The following TTC28 variants were observed in gnomAD, a reference collection of about 807,000 sequenced individuals.
The protein encoded by TTC28 is tetratricopeptide repeat protein 28.
TTC28 carries 61 observed loss-of-function variants against 198.0 expected under a neutral mutation model. That is an observed-to-expected ratio of 0.31 (90% CI 0.25 to 0.38). The LOEUF is 0.38. Among genes scored for constraint, TTC28 ranks in the 10% least tolerant of loss-of-function variants. The pLI is 1.00. For synonymous variants in TTC28, 1,171 were observed against 1,297.8 expected (o/e 0.90, Z 2.10); for missense variants, 2,678 against 3,164.0 (o/e 0.85, Z 3.69).
At chr22:28,215,111 A>G (rs562306940) in intron 5 of TTC28, among the ~76,000 whole-genome samples, 1 of 152,206 alleles carries the variant, frequency 6.6e-6, no homozygotes, top group South Asian at 2.1e-4. Context: ...GGTGGGGAAC[A>G]TCACACACCG....
At chr22:28,207,564 C>T (rs1406448193) in intron 5 of TTC28, among the ~76,000 whole-genome samples, 2 of 152,142 alleles carry the variant, frequency 1.3e-5, no homozygotes, top group African/African-American at 2.4e-5. Context: ...AGTTTCTTAA[C>T]TATGTAAACC....
At chr22:28,069,373 G>A (rs531383609) in intron 12 of TTC28, among the ~76,000 whole-genome samples, 1 of 152,056 alleles carries the variant, frequency 6.6e-6, no homozygotes, top group Non-Finnish European at 1.5e-5. Flanking sequence ...CAAACATCTC[G>A]TGAGTTCATA....
chr22:28,483,464 T>A (rs1005600845), intron 2 of TTC28, among the ~76,000 whole-genome samples: 4 of 152,132 alleles, frequency 2.6e-5, no homozygotes, highest in African/African-American at 9.7e-5. Flanking sequence ...AATGAAACAT[T>A]ATTTCTTTCA....
rs1937075147 is a variant in TTC28, at chr22:27,983,000, T to C, written c.6667A>G (p.Lys2223Glu). Residue 2223 changes from lysine to glutamate, a missense_variant, in exon 23 of 23, where the codon AAG (lysine) becomes GAG (glutamate). By Grantham distance (56) the Lys-to-Glu change is moderately conservative. Around this residue, in one of 8 missense-constraint regions of TTC28, gnomAD observed 622 missense variants for 656.0 expected, o/e 0.95. Transcript: ENST00000397906. This position sits in a 1 kb window ranked among gnomAD's most constrained non-coding sequence, Gnocchi z 5.2. The part of the protein sequence containing the change: ...AFSRPVLSHQ[K>E]SQPSPVTVKP... ...ACAGTGACTGGTGATGGCTGACTCT[T>C]CTGATGGGAGAGAACAGGCCTGCTG... 6.4e-7 allele frequency: 1 copy of C among 1,551,546 alleles called. No individual in the cohort carries two copies. The highest frequency in any genetic ancestry group is 1.4e-5 in the African/African-American group (1 of 73,030).
chr22:27,990,105 TC>T, intron 20 of TTC28, 98 bp from the exon 21 acceptor site: 1 of 1,420,252 alleles, frequency 7.0e-7, no homozygotes, highest in Non-Finnish European at 9.5e-7. Flanking sequence ...GTCACTGGCA[TC>T]GCTAATGACC....
intron 2 of TTC28, among the ~76,000 whole-genome samples, chr22:28,628,315 T>G (rs9625515): frequency 0.1 from 15,147 of 152,206 alleles, 864 homozygotes; most frequent in African/African-American, 0.12. Context: ...CTCAAATACT[T>G]CAATCACATC....
At chr22:28,032,155 CTACT>C (rs1223242081) in intron 12 of TTC28, among the ~76,000 whole-genome samples, 1 of 120,424 alleles carries the variant, frequency 8.3e-6, no homozygotes, top group Non-Finnish European at 1.7e-5. Context: ...CTATTTATAT[CTACT>C]TAGTGTGTGT....
At chr22:28,594,270 TAAG>T (rs952012704) in intron 2 of TTC28, among the ~76,000 whole-genome samples, 92 of 148,770 alleles carry the variant, frequency 6.2e-4, no homozygotes, top group African/African-American at 1.6e-3. Context: ...TTTATTAATA[TAAG>T]AAGTAATTAA....
intron 2 of TTC28, among the ~76,000 whole-genome samples, chr22:28,485,290 T>C (rs1044212760): frequency 2.0e-5 from 3 of 152,214 alleles, no homozygotes; most frequent in East Asian, 3.8e-4. Flanking sequence ...ATTTCATTTT[T>C]AGTTACATGA....
rs560094954 is a variant in TTC28, at chr22:28,021,949, A to G, written c.4074-7557T>C. Among the ~76,000 whole-genome samples the G allele has an allele frequency of 2.0e-3, 312 of 152,322 alleles. 1 individual carries two copies. The highest frequency in any genetic ancestry group is 3.8e-3 in the Non-Finnish European group (258 of 68,022). ...TCTCAGGGCCAGGTGGGCCCCCGCC[A>G]TCTTCTGGGCTGTGATGTGAGTACA... On this transcript the variant is annotated intron_variant, in intron 13 of 22. Transcript: ENST00000397906.
chr22:28,386,403 G>A (rs1018451464), intron 2 of TTC28, among the ~76,000 whole-genome samples: 1 of 151,260 alleles, frequency 6.6e-6, no homozygotes, highest in African/African-American at 2.4e-5. Context: ...CTCTCATGAT[G>A]GGCAGGGACC....
rs566778338 is a variant in TTC28 at position 28,014,475 on chromosome 22, T to C, written c.4074-83A>G. ...CCTGGCCCTCCAAGCCATGCCCCTG[T>C]ATGGAAGGCAGGCTGAGGCTTCACA... is the stretch of plus-strand genomic sequence containing the variant. On this transcript the variant is annotated intron_variant, in intron 13 of 22. Coordinates refer to ENST00000397906, the MANE Select transcript of TTC28 (RefSeq NM_001145418.2). 6.7e-5 allele frequency: 96 copies of C among 1,429,956 alleles called. No homozygotes were observed. In the African/African-American group the frequency reaches 1.2e-3, roughly 18 times the overall value. The allele number at this position is 1,429,956 out of a possible 1,614,324, so 88.6% of individuals were successfully genotyped here.
intron 2 of TTC28, among the ~76,000 whole-genome samples, chr22:28,440,841 T>C (rs893840930): frequency 6.6e-6 from 1 of 152,036 alleles, no homozygotes; most frequent in African/African-American, 2.4e-5. Context: ...CCTACCAGAG[T>C]TGGATATCTA....
At position 28,536,218 on chromosome 22, in the gene TTC28, A is replaced by T. The variant is rs1174117536; in HGVS notation, c.381+93334T>A. Among the ~76,000 whole-genome samples the T allele has an allele frequency of 7.4e-5, 11 of 148,940 alleles. 1 individual carries two copies. Among genetic ancestry groups the T allele is most frequent in the East Asian group, 5.9e-4 (3 of 5,098 alleles). On this transcript the variant is annotated intron_variant, in intron 2 of 22. Coordinates refer to ENST00000397906, the MANE Select transcript of TTC28 (RefSeq NM_001145418.2). ...CGTCTCAAAAAAAAAAAAAAAAAAA[A>T]AACATAAAAATAATAAATTATCCCC...
chr22:28,529,554 T>A (rs5752754), intron 2 of TTC28, among the ~76,000 whole-genome samples: 132,335 of 152,196 alleles, frequency 0.87, 57,644 homozygotes, highest in Middle Eastern at 0.94. Flanking sequence ...CTTTGAAGAG[T>A]GTAGTGGTTC....
At chr22:28,096,554 G>A in intron 10 of TTC28, 146 bp from the exon 11 acceptor site, 1 of 865,910 alleles carries the variant, frequency 1.2e-6, no homozygotes, top group Non-Finnish European at 1.8e-6. Context: ...CACTGCTTCA[G>A]ATTCAATTCC....
chr22:28,145,526 A>C (rs2147000111), intron 6 of TTC28, among the ~76,000 whole-genome samples: 1 of 152,156 alleles, frequency 6.6e-6, no homozygotes, highest in East Asian at 1.9e-4. Flanking sequence ...CAGCGTTTTG[A>C]TTTGGATTAT....
intron 2 of TTC28, among the ~76,000 whole-genome samples, chr22:28,515,875 G>A (rs1470272762): frequency 6.6e-6 from 1 of 152,128 alleles, no homozygotes; most frequent in East Asian, 1.9e-4. Context: ...GCCGGGTGCG[G>A]TAGCTCATGC....
At position 28,392,520 on chromosome 22, in the gene TTC28, C is replaced by T. The variant is rs186831122; in HGVS notation, c.382-85877G>A. Among the ~76,000 whole-genome samples the T allele has an allele frequency of 8.5e-3, 1,301 of 152,332 alleles. 18 individuals are homozygous for T. The highest frequency in any genetic ancestry group is 0.03 in the African/African-American group (1,242 of 41,574). On this transcript the variant is annotated intron_variant, in intron 2 of 22. Transcript: ENST00000397906. ...CTCCGTGGGCGTAGGACCCTCCAAG[C>T]CAGGTGCGGGATATAATCTCCTGGT...
Sources: allele counts gnomAD v4.1 joint callset (sites outside exome capture counted in the v4.1 genomes callset), GRCh38; gene constraint gnomAD v4.1.1; regional missense constraint gnomAD v4.1.1; non-coding constraint Gnocchi (gnomAD v3.1); transcripts MANE v1.5; gene names NCBI Gene and HGNC (gene_info 2026-07-23, HGNC 2026-07-21).